The following FBXW7 variants were observed in gnomAD, a reference collection of about 807,000 sequenced individuals.
FBXW7 encodes F-box and WD repeat domain containing 7, also known as F-box/WD repeat-containing protein 7.
Under a neutral mutation model 86.3 loss-of-function variants are expected in FBXW7, and 11 were observed. The ratio of observed to expected loss-of-function variants is 0.13; its 90% confidence interval spans 0.08 to 0.21. The LOEUF is 0.21. Ranked by LOEUF, FBXW7 falls within the 10% of genes least tolerant of loss-of-function variation. The pLI, the probability that FBXW7 is intolerant of heterozygous loss-of-function variation, is 1.00. For missense variants in FBXW7, 488 were observed against 847.4 expected (o/e 0.58, Z 5.27); for synonymous variants, 313 against 297.9 (o/e 1.05, Z -0.52).
intron 2 of FBXW7, among the ~76,000 whole-genome samples, chr4:152,481,960 A>G (rs1217268316): frequency 6.6e-6 from 1 of 152,262 alleles, no homozygotes; most frequent in Non-Finnish European, 1.5e-5. Flanking sequence ...ACAAAGCAGC[A>G]GCAGGGTTTG....
At chr4:152,480,682 C>G (rs1035406327) in intron 2 of FBXW7, among the ~76,000 whole-genome samples, 1 of 152,150 alleles carries the variant, frequency 6.6e-6, no homozygotes, top group Non-Finnish European at 1.5e-5. Flanking sequence ...ATAATAGGAA[C>G]AAGAAAGAGC....
chr4:152,339,330 T>C (rs1387059075), intron 6 of FBXW7, among the ~76,000 whole-genome samples: 1 of 152,232 alleles, frequency 6.6e-6, no homozygotes, highest in Admixed American at 6.5e-5. Flanking sequence ...AACATGTATA[T>C]GTACACACGT....
chr4:152,346,390 G>A (rs1410857072), intron 6 of FBXW7, among the ~76,000 whole-genome samples: 1 of 152,078 alleles, frequency 6.6e-6, no homozygotes, highest in Non-Finnish European at 1.5e-5. Context: ...CAAAGGAGAA[G>A]ATGAAGGAAG....
At chr4:152,353,099 G>A in intron 4 of FBXW7, 1 of 657,224 alleles carries the variant, frequency 1.5e-6, no homozygotes, top group Non-Finnish European at 2.0e-6. Flanking sequence ...TAAATAGCAA[G>A]GAACATTTCC....
chr4:152,527,885 C>T (rs1314425406), intron 2 of FBXW7, among the ~76,000 whole-genome samples: 1 of 151,696 alleles, frequency 6.6e-6, no homozygotes, highest in East Asian at 1.9e-4. Flanking sequence ...CACACACACA[C>T]ACACACACAC....
intron 2 of FBXW7, among the ~76,000 whole-genome samples, chr4:152,439,870 A>C (rs1265676672): frequency 2.0e-5 from 3 of 150,932 alleles, no homozygotes; most frequent in African/African-American, 4.9e-5. Flanking sequence ...CGTCACAAAA[A>C]AAAAAAAAAA....
chr4:152,489,584 C>T (rs1490601301), intron 2 of FBXW7, among the ~76,000 whole-genome samples: 1 of 151,994 alleles, frequency 6.6e-6, no homozygotes, highest in Admixed American at 6.6e-5. Context: ...TATTTTTAAA[C>T]CTCTTCAAAG....
chr4:152,484,113 A>T (rs577331744), intron 2 of FBXW7, among the ~76,000 whole-genome samples: 2 of 152,254 alleles, frequency 1.3e-5, no homozygotes, highest in East Asian at 3.9e-4. Context: ...CATTTGTTTG[A>T]TCCTAGAATG....
chr4:152,386,249 A>G (rs1387722199), intron 4 of FBXW7, among the ~76,000 whole-genome samples: 1 of 152,106 alleles, frequency 6.6e-6, no homozygotes, highest in Non-Finnish European at 1.5e-5. Context: ...GTGCAATATG[A>G]TAGGTAGGAA....
At chr4:152,514,503 T>G (rs572138627) in intron 2 of FBXW7, among the ~76,000 whole-genome samples, 35 of 152,240 alleles carry the variant, frequency 2.3e-4, no homozygotes, top group Middle Eastern at 3.4e-3. Flanking sequence ...CACCTCCAAA[T>G]CTCAGGTTGA....
chr4:152,394,168 T>C (rs13147280), intron 4 of FBXW7, among the ~76,000 whole-genome samples: 1 of 152,148 alleles, frequency 6.6e-6, no homozygotes, highest in Non-Finnish European at 1.5e-5. Flanking sequence ...CATTTGTTTA[T>C]AATCATCTCT....
chr4:152,325,917 C>G (rs1728973988), intron 12 of FBXW7, 89 bp downstream of exon 12: 1 of 1,080,338 alleles, frequency 9.3e-7, no homozygotes, highest in Non-Finnish European at 1.4e-6. Context: ...TTGGACTGTA[C>G]TGGATCAGCA....
At chr4:152,329,598 C>G (rs2126523797) in intron 10 of FBXW7, 74 bp downstream of exon 10, 1 of 670,598 alleles carries the variant, frequency 1.5e-6, no homozygotes, top group Non-Finnish European at 2.4e-6. Flanking sequence ...TTATTGTTTT[C>G]TTTTTTCCAG....
At chr4:152,530,617 G>A (rs539538114) in intron 2 of FBXW7, 1 of 152,226 alleles carries the variant, frequency 6.6e-6, no homozygotes, top group Admixed American at 6.5e-5. Flanking sequence ...TTGTACAGTA[G>A]AGTATGTGCT....
chr4:152,446,312 AC>A (rs1156703290), intron 2 of FBXW7, among the ~76,000 whole-genome samples: 2 of 52,102 alleles, frequency 3.8e-5, no homozygotes, highest in East Asian at 7.0e-4. Flanking sequence ...TTACCCACCC[AC>A]CCCCCCAAAA....
intron 2 of FBXW7, among the ~76,000 whole-genome samples, chr4:152,518,504 C>G (rs1180241600): frequency 6.6e-6 from 1 of 152,082 alleles, no homozygotes; most frequent in African/African-American, 2.4e-5. Context: ...GCCATGATGC[C>G]CAGGCTGGTC....
intron 4 of FBXW7, among the ~76,000 whole-genome samples, chr4:152,397,031 A>G (rs1309688651): frequency 6.6e-6 from 1 of 152,034 alleles, no homozygotes; most frequent in African/African-American, 2.4e-5. Flanking sequence ...GAGAGACTTA[A>G]AAGATGAGAT....
chr4:152,323,942 G>A, intron 13 of FBXW7: 1 of 449,742 alleles, frequency 2.2e-6, no homozygotes. Flanking sequence ...TAAAGGTTAA[G>A]TAGAGTCAAT....
chr4:152,346,905 C>T (rs1002782696), intron 6 of FBXW7, 25 bp downstream of exon 6: 2 of 1,608,156 alleles, frequency 1.2e-6, no homozygotes, highest in Non-Finnish European at 1.7e-6. Context: ...TGAGGCATTT[C>T]AAGTACTATG....
Sources: allele counts gnomAD v4.1 joint callset (sites outside exome capture counted in the v4.1 genomes callset), GRCh38; gene constraint gnomAD v4.1.1; transcripts MANE v1.5; gene names NCBI Gene and HGNC (gene_info 2026-07-23, HGNC 2026-07-21).